DCTN5: variants seen among roughly 807,000 people sequenced by gnomAD.
DCTN5 encodes dynactin subunit 5, also known as dynactin 4.
Under a neutral mutation model 23.5 loss-of-function variants are expected in DCTN5, and 14 were observed. The observed-to-expected ratio is 0.60, with a 90% CI of 0.39 to 0.93. The LOEUF is 0.93. DCTN5 is among the 40% of genes least tolerant of loss of function. The pLI is 0.00. For synonymous variants in DCTN5, 67 were observed against 79.6 expected, an observed-to-expected ratio of 0.84 and a Z score of 0.84; for missense variants, 156 against 225.9, an observed-to-expected ratio of 0.69 and a Z score of 1.98.
intron 2 of DCTN5, chr16:23,657,545 A>G: frequency 2.5e-6 from 1 of 394,670 alleles, no homozygotes. Flanking sequence ...GGTTCAAGCG[A>G]TTCTCCTGCC....
At chr16:23,650,194 C>T (rs866455249) in intron 2 of DCTN5, among the ~76,000 whole-genome samples, 1 of 152,052 alleles carries the variant, frequency 6.6e-6, no homozygotes, top group African/African-American at 2.4e-5. Flanking sequence ...AGAGTCTCTG[C>T]GAATTTTAGG....
rs2140992359 is a variant in DCTN5, at chr16:23,671,725, G to T, written c.*4581G>T. 6.6e-6 allele frequency: 1 copy of T among 152,388 alleles called. No homozygotes were observed. The highest frequency in any genetic ancestry group is 3.4e-3 in the Middle Eastern group (1 of 292). The allele number at this position is 152,388 out of a possible 1,614,324, so 9.4% of individuals were successfully genotyped here. A position where few individuals can be genotyped will look rare whatever the true frequency, so the allele number is the denominator to read the frequency against. On this transcript the variant is annotated 3_prime_UTR_variant, in exon 6 of 6. Coordinates refer to ENST00000300087, the MANE Select transcript of DCTN5 (RefSeq NM_032486.4). The stretch of plus-strand genomic sequence containing the variant: ...GAACACTACCCTTGCAGCCCAGTCA[G>T]CCAATCCCTTGCTCTCCTGAAGCTT...
chr16:23,642,948 C>T lies in DCTN5; in HGVS notation c.49-7C>T. 12 of 1,613,888 alleles carry T rather than the reference C, an allele frequency of 7.4e-6. No individual in the cohort carries two copies. The highest frequency in any genetic ancestry group is 1.0e-5 in the Non-Finnish European group (12 of 1,179,844). The stretch of plus-strand genomic sequence containing the variant: ...GCTTTCCCCGGTTTTCCGTTGTTTT[C>T]TTTTAGGCATCTGGGAACAAAGTCA... On this transcript the variant is annotated splice_region_variant and splice_polypyrimidine_tract_variant and intron_variant, in intron 1 of 5. Transcript: ENST00000300087.
intron 2 of DCTN5, among the ~76,000 whole-genome samples, chr16:23,645,633 A>G (rs1481945138): frequency 1.3e-5 from 2 of 152,198 alleles, no homozygotes; most frequent in Non-Finnish European, 2.9e-5. Flanking sequence ...TGGATATTTC[A>G]TATAAGTGGA....
chr16:23,654,684 AC>A (rs1967667696), intron 2 of DCTN5, among the ~76,000 whole-genome samples: 1 of 152,144 alleles, frequency 6.6e-6, no homozygotes, highest in South Asian at 2.1e-4. Flanking sequence ...CACCCTACTG[AC>A]CTATCAAATT....
At chr16:23,663,717 C>T (rs1967857638) in intron 4 of DCTN5, among the ~76,000 whole-genome samples, 1 of 151,346 alleles carries the variant, frequency 6.6e-6, no homozygotes, top group African/African-American at 2.4e-5. Context: ...CTCTGTCCCC[C>T]GCCACCAAAA....
chr16:23,656,398 C>T (rs1232545302), intron 2 of DCTN5, among the ~76,000 whole-genome samples: 1 of 152,214 alleles, frequency 6.6e-6, no homozygotes, highest in Non-Finnish European at 1.5e-5. Flanking sequence ...TGATGCTGCA[C>T]ACATTGTATT....
intron 3 of DCTN5, among the ~76,000 whole-genome samples, chr16:23,659,832 C>A (rs1415267748): frequency 6.6e-6 from 1 of 152,204 alleles, no homozygotes; most frequent in East Asian, 1.9e-4. Context: ...CTCCTGGTAC[C>A]CTATTATGGT....
At position 23,651,002 on chromosome 16, in the gene DCTN5, CTTT is replaced by C. The variant is rs888795775; in HGVS notation, c.118-7502_118-7500del. On this transcript the variant is annotated intron_variant, in intron 2 of 5. Coordinates refer to ENST00000300087, the MANE Select transcript of DCTN5 (RefSeq NM_032486.4). ...TTTTCAAAAGCAACTGGAAATCTCA[CTTT>C]TTAAAATGCAAGATGTTCCACTACT... is the stretch of plus-strand genomic sequence containing the variant. The C allele has an allele frequency of 5.4e-5, 76 of 1,399,602 alleles. No homozygotes were observed. In the African/African-American group the frequency reaches 1.1e-3, roughly 20 times the overall value. The allele number at this position is 1,399,602 out of a possible 1,614,324, so 86.7% of individuals were successfully genotyped here.
intron 4 of DCTN5, among the ~76,000 whole-genome samples, chr16:23,664,821 G>T (rs1242455755): frequency 1.3e-5 from 2 of 152,214 alleles, no homozygotes; most frequent in African/African-American, 4.8e-5. Flanking sequence ...GAATTTTTCA[G>T]GGTTTTTCCA....
intron 2 of DCTN5, 41 bp from the exon 3 acceptor site, chr16:23,658,466 G>A (rs1318463804): frequency 7.6e-7 from 1 of 1,322,714 alleles, no homozygotes; most frequent in South Asian, 1.2e-5. Context: ...TTACGTCTTA[G>A]GCTATGTTGC....
At chr16:23,661,319 T>C (rs767992946) in intron 4 of DCTN5, 38 bp downstream of exon 4, 1 of 1,484,982 alleles carries the variant, frequency 6.7e-7, no homozygotes, top group South Asian at 1.2e-5. Context: ...CAGCTTCACT[T>C]TCCCTTCAGC....
Position 23,658,503 on chromosome 16 carries a change from A to G in DCTN5, c.118-4A>G. On this transcript the variant is annotated splice_region_variant and splice_polypyrimidine_tract_variant and intron_variant, in intron 2 of 5. Coordinates refer to ENST00000300087, the MANE Select transcript of DCTN5 (RefSeq NM_032486.4). Reference sequence around the variant, plus strand: ...AATTTTTTAAAATTTGCTTCGTCTTACAGACCATTGTGATGAATGACTGTA... The same window carrying G: ...AATTTTTTAAAATTTGCTTCGTCTTGCAGACCATTGTGATGAATGACTGTA... The G allele has an allele frequency of 6.2e-7, 1 of 1,610,894 alleles. No homozygotes were observed. Among genetic ancestry groups the G allele is most frequent in the Non-Finnish European group, 8.5e-7 (1 of 1,177,066 alleles).
At chr16:23,655,309 C>A (rs1273911300) in intron 2 of DCTN5, among the ~76,000 whole-genome samples, 2 of 152,174 alleles carry the variant, frequency 1.3e-5, no homozygotes, top group African/African-American at 2.4e-5. Flanking sequence ...TCTCTAAACT[C>A]ACCTTGTAAA....
intron 2 of DCTN5, among the ~76,000 whole-genome samples, chr16:23,648,220 A>G (rs1177034723): frequency 6.6e-6 from 1 of 152,046 alleles, no homozygotes; most frequent in Non-Finnish European, 1.5e-5. Context: ...CAGTGGCACA[A>G]TCATAGCTCA....
rs1264210848 is a variant in DCTN5, at chr16:23,668,843, A to G, written c.*1699A>G. The stretch of plus-strand genomic sequence containing the variant: ...TCCAGTTCGAATTTGGAAACTCCCA[A>G]AGTTCTCAATGGTTTGTTGTGAGTT... On this transcript the variant is annotated 3_prime_UTR_variant, in exon 6 of 6. Transcript: ENST00000300087. The G allele has an allele frequency of 2.6e-5, 4 of 152,242 alleles. No homozygotes were observed. The highest frequency in any genetic ancestry group is 5.9e-5 in the Non-Finnish European group (4 of 68,066). The allele number at this position is 152,242 out of a possible 1,614,324, so 9.4% of individuals were successfully genotyped here. A position where few individuals can be genotyped will look rare whatever the true frequency, so the allele number is the denominator to read the frequency against.
At chr16:23,648,074 C>T (rs1479587940) in intron 2 of DCTN5, among the ~76,000 whole-genome samples, 1 of 151,930 alleles carries the variant, frequency 6.6e-6, no homozygotes, top group Non-Finnish European at 1.5e-5. Context: ...TTCCACATAT[C>T]CCTAAATAAT....
chr16:23,670,627 G>A lies in DCTN5; in HGVS notation c.*3483G>A, dbSNP rs928018943. 2.6e-5 allele frequency: 4 copies of A among 152,082 alleles called. No individual in the cohort carries two copies. The highest frequency in any genetic ancestry group is 9.7e-5 in the African/African-American group (4 of 41,402). The allele number at this position is 152,082 out of a possible 1,614,324, so 9.4% of individuals were successfully genotyped here. ...TCAAATCCAGCTGGCTGGTCTCCTGGGGGTTAGCTTCCATGGAGCTGCAAG... is the reference window on the plus strand; with the variant it reads ...TCAAATCCAGCTGGCTGGTCTCCTGAGGGTTAGCTTCCATGGAGCTGCAAG... On this transcript the variant is annotated 3_prime_UTR_variant, in exon 6 of 6. Transcript: ENST00000300087.
At chr16:23,665,416 A>G (rs1967887424) in intron 4 of DCTN5, among the ~76,000 whole-genome samples, 1 of 152,196 alleles carries the variant, frequency 6.6e-6, no homozygotes, top group Non-Finnish European at 1.5e-5. Context: ...TGCCTCTAGC[A>G]TACAGCCTTC....
Sources: allele counts gnomAD v4.1 joint callset (sites outside exome capture counted in the v4.1 genomes callset), GRCh38; gene constraint gnomAD v4.1.1; transcripts MANE v1.5; gene names NCBI Gene and HGNC (gene_info 2026-07-23, HGNC 2026-07-21).